FHIT: variants seen among roughly 807,000 people sequenced by gnomAD.
FHIT encodes the protein fragile histidine triad diadenosine triphosphatase.
In FHIT, 19 loss-of-function variants were observed where a neutral mutation model predicts 17.9. The ratio of observed to expected loss-of-function variants is 1.06; its 90% CI spans 0.74 to 1.56. The LOEUF is 1.56. FHIT is among the 40% of genes most tolerant of loss of function. FHIT has a pLI of 0.00. For synonymous variants in FHIT, 81 were observed against 69.7 expected (o/e 1.16, Z -0.81); for missense variants, 248 against 189.2 (o/e 1.31, Z -1.82).
intron 8 of FHIT, among the ~76,000 whole-genome samples, chr3:59,896,209 G>A (rs1310606048): frequency 6.6e-6 from 1 of 152,164 alleles, no homozygotes; most frequent in Admixed American, 6.5e-5. Context: ...TCTCTGCTGT[G>A]TCCCAAGCAA....
At chr3:60,068,885 A>G (rs1404090792) in intron 5 of FHIT, among the ~76,000 whole-genome samples, 1 of 152,242 alleles carries the variant, frequency 6.6e-6, no homozygotes, top group Non-Finnish European at 1.5e-5. Flanking sequence ...TAATATGCAT[A>G]AAATACATAA....
chr3:60,286,788 C>T (rs1021301070), intron 5 of FHIT, among the ~76,000 whole-genome samples: 2 of 152,132 alleles, frequency 1.3e-5, no homozygotes, highest in Admixed American at 6.5e-5. Flanking sequence ...TTTAATGTCA[C>T]TGAAAGGTCA....
At chr3:60,290,589 A>C (rs1421434696) in intron 5 of FHIT, among the ~76,000 whole-genome samples, 1 of 152,120 alleles carries the variant, frequency 6.6e-6, no homozygotes, top group African/African-American at 2.4e-5. Context: ...CCAACAGCAG[A>C]GATGTTAAAA....
intron 5 of FHIT, among the ~76,000 whole-genome samples, chr3:60,527,753 C>T (rs1160507140): frequency 6.6e-6 from 1 of 152,152 alleles, no homozygotes; most frequent in Non-Finnish European, 1.5e-5. Flanking sequence ...GAAAGTGGGG[C>T]TAATGGGAAA....
In FHIT at chr3:60,500,045, C is replaced by A. The variant is rs1165606075; in HGVS notation, c.103+36815G>T. 3.3e-5 allele frequency among the ~76,000 whole-genome samples: 5 copies of A among 152,264 alleles called. No individual in the cohort carries two copies. The Middle Eastern group carries it at 0.01, about 311-fold the overall frequency. ...TGTATACCTGGGGTCTGGCACATAG[C>A]AGAAACTAATTAAATGATAAATTTA... On this transcript the variant is annotated intron_variant, in intron 5 of 9. Coordinates refer to ENST00000492590, the MANE Select transcript of FHIT (RefSeq NM_002012.4).
chr3:60,175,076 T>C (rs1232822544), intron 5 of FHIT, among the ~76,000 whole-genome samples: 1 of 152,222 alleles, frequency 6.6e-6, no homozygotes, highest in Non-Finnish European at 1.5e-5. Context: ...CAAATGCTCC[T>C]TCGAATTTTA....
intron 2 of FHIT, among the ~76,000 whole-genome samples, chr3:61,068,980 A>G (rs978943985): frequency 1.3e-5 from 2 of 152,212 alleles, no homozygotes; most frequent in Admixed American, 1.3e-4. Context: ...CTGGCCATTT[A>G]TCAGATATAT....
intron 5 of FHIT, among the ~76,000 whole-genome samples, chr3:60,529,181 T>C (rs2035680310): frequency 6.6e-6 from 1 of 152,192 alleles, no homozygotes; most frequent in Non-Finnish European, 1.5e-5. Flanking sequence ...TTCAGTTAAT[T>C]AGTTTGAGAA....
At chr3:60,692,972 C>T (rs1007322446) in intron 4 of FHIT, among the ~76,000 whole-genome samples, 8 of 152,188 alleles carry the variant, frequency 5.3e-5, no homozygotes, top group Non-Finnish European at 2.9e-5. Context: ...TGTTTGGCCA[C>T]AGCATAAGGG....
At chr3:61,149,354 T>A (rs1419549528) in intron 2 of FHIT, among the ~76,000 whole-genome samples, 2 of 151,588 alleles carry the variant, frequency 1.3e-5, no homozygotes, top group Non-Finnish European at 2.9e-5. Flanking sequence ...TTATCCAAAA[T>A]GAGACACTTC....
chr3:61,062,401 C>T (rs532989350), intron 2 of FHIT, among the ~76,000 whole-genome samples: 1 of 152,134 alleles, frequency 6.6e-6, no homozygotes, highest in Non-Finnish European at 1.5e-5. Context: ...TATCCTTTTG[C>T]CCCTCCCAAA....
chr3:60,260,236 G>T (rs1377307469), intron 5 of FHIT, among the ~76,000 whole-genome samples: 1 of 151,700 alleles, frequency 6.6e-6, no homozygotes, highest in African/African-American at 2.4e-5. Context: ...CACACTTCAG[G>T]GTGTACCAAT....
Position 60,552,351 on chromosome 3 carries a change from A to C in FHIT, c.-17-15372T>G, listed in dbSNP as rs945016704. Among the ~76,000 whole-genome samples the C allele has an allele frequency of 3.3e-5, 5 of 152,240 alleles. No individual in the cohort carries two copies. The East Asian group carries it at 9.7e-4, about 29-fold the overall frequency. ...TATTGAACGTACACCTAAGAGTGAAACTGCTGGATCATGTGGGAACTCTGT... is the reference window on the plus strand; with the variant it reads ...TATTGAACGTACACCTAAGAGTGAACCTGCTGGATCATGTGGGAACTCTGT... On this transcript the variant is annotated intron_variant, in intron 4 of 9. Transcript: ENST00000492590.
chr3:61,218,186 C>A (rs1422402492), intron 1 of FHIT, among the ~76,000 whole-genome samples: 1 of 152,080 alleles, frequency 6.6e-6, no homozygotes, highest in African/African-American at 2.4e-5. Flanking sequence ...AGTAGAAAGA[C>A]AAAAGGGCCT....
At chr3:60,791,607 A>G (rs1700778314) in intron 4 of FHIT, among the ~76,000 whole-genome samples, 1 of 152,208 alleles carries the variant, frequency 6.6e-6, no homozygotes, top group Non-Finnish European at 1.5e-5. Flanking sequence ...CCAGAAGCTT[A>G]TCATCTTACA....
intron 8 of FHIT, among the ~76,000 whole-genome samples, chr3:59,806,136 A>G (rs1700186211): frequency 6.6e-6 from 1 of 151,320 alleles, no homozygotes; most frequent in Non-Finnish European, 1.5e-5. Flanking sequence ...AGCCGAGATC[A>G]CACCGCTGCA....
chr3:60,878,183 C>G (rs1007220), intron 3 of FHIT, among the ~76,000 whole-genome samples: 113,476 of 151,846 alleles, frequency 0.75, 42,522 homozygotes, highest in East Asian at 0.91. Flanking sequence ...CTGGTAGGGG[C>G]TGCCTAACAG....
In FHIT at chr3:61,207,843, T is replaced by A. The variant is rs139993072; in HGVS notation, c.-212-7178A>T. On this transcript the variant is annotated intron_variant, in intron 1 of 9. Transcript: ENST00000492590. ...TTCAGTTCTGCTCTGATTTTCATTA[T>A]TTCTTGCCTTCTGCTAGTGTTGAGT... 8.3e-4 allele frequency among the ~76,000 whole-genome samples: 127 copies of A among 152,362 alleles called. 3 individuals are homozygous for A. In the East Asian group the frequency reaches 0.023, roughly 27 times the overall value.
At chr3:60,995,657 G>A (rs764605801) in intron 3 of FHIT, among the ~76,000 whole-genome samples, 1 of 152,156 alleles carries the variant, frequency 6.6e-6, no homozygotes, top group Non-Finnish European at 1.5e-5. Context: ...ATAAACCAAG[G>A]TGCTACTCCG....
Sources: gnomAD v4.1 joint callset for allele counts (sites outside exome capture counted in the v4.1 genomes callset) on GRCh38, gnomAD v4.1.1 for gene constraint, MANE v1.5 for transcripts, NCBI Gene and HGNC (gene_info 2026-07-23, HGNC 2026-07-21) for gene names.